The following APC variants were observed in gnomAD, a reference collection of about 807,000 sequenced individuals.
APC encodes adenomatous polyposis coli protein.
A neutral mutation model predicts 247.0 loss-of-function variants in APC; 72 were observed. The ratio of observed to expected loss-of-function variants is 0.29; its 90% CI spans 0.24 to 0.35. The LOEUF (loss-of-function observed/expected upper bound fraction) is 0.35. Among genes scored for constraint, APC ranks in the 10% least tolerant of loss-of-function variants. The probability of loss-of-function intolerance (pLI) is 1.00; values close to 1 mark genes in which losing one functional copy is unlikely to be tolerated. For missense variants in APC, 3,400 were observed against 3,360.7 expected, an observed-to-expected ratio of 1.01 and a Z score of -0.29; for synonymous variants, 1,254 against 1,162.5, an observed-to-expected ratio of 1.08 and a Z score of -1.60.
intron 2 of APC, among the ~76,000 whole-genome samples, chr5:112,764,398 A>G (rs1280848362): frequency 6.6e-6 from 1 of 152,220 alleles, no homozygotes; most frequent in East Asian, 1.9e-4. Flanking sequence ...TGAAAGAGAT[A>G]GCTGTAAGAG....
At chr5:112,723,667 A>G (rs956014802) in intron 1 of APC, among the ~76,000 whole-genome samples, 2 of 152,202 alleles carry the variant, frequency 1.3e-5, no homozygotes, top group Admixed American at 1.3e-4. Context: ...AGCCCTGCCC[A>G]CAAAAAACCA....
In APC at chr5:112,839,617, T is replaced by A. The variant is rs886493252; in HGVS notation, c.4023T>A (p.Ser1341Arg). Residue 1341 changes from serine (S) to arginine (R), a missense_variant, in exon 16 of 16, where the codon AGT becomes AGA. This residue lies in a region of APC where 715 missense variants were observed against 656.6 expected (regional missense o/e 1.09). Transcript: ENST00000257430. The surrounding 1 kb of genome is among the most constrained non-coding windows in gnomAD (Gnocchi z 5.0). ...RTKSSRLQGS[S>R]LSSESARHKA... is the part of the protein sequence containing the mutation. Reference sequence around the variant, plus strand: ...AATCCAGCAGACTGCAGGGTTCTAGTTTATCTTCAGAATCAGCCAGGCACA... The same window carrying A: ...AATCCAGCAGACTGCAGGGTTCTAGATTATCTTCAGAATCAGCCAGGCACA... 5.0e-6 allele frequency: 8 copies of A among 1,613,994 alleles called. No individual in the cohort carries two copies. Among genetic ancestry groups the A allele is most frequent in the Admixed American group, 1.7e-5 (1 of 60,000 alleles).
At chr5:112,712,032 C>G (rs1450548202) in intron 1 of APC, among the ~76,000 whole-genome samples, 1 of 152,206 alleles carries the variant, frequency 6.6e-6, no homozygotes, top group Non-Finnish European at 1.5e-5. Context: ...GCTGCCAAAC[C>G]TGTAACAATA....
Position 112,842,224 on chromosome 5 carries a change from A to C in APC, c.6630A>C (p.Ser2210=), listed in dbSNP as rs746725965. ...AAGTTCGATCTAATTCAGAAATTTCAGGCCAAATGAAACAGCCCCTTCAAG... is the reference window on the plus strand; with the variant it reads ...AAGTTCGATCTAATTCAGAAATTTCCGGCCAAATGAAACAGCCCCTTCAAG... The part of the protein sequence containing the change: ...TGKVRSNSEI[S]GQMKQPLQAN... Residue 2210 remains serine (S), a synonymous_variant, in exon 16 of 16, where the codon TCA becomes TCC. Transcript: ENST00000257430. The C allele has an allele frequency of 6.2e-7, 1 of 1,613,872 alleles. No individual in the cohort carries two copies. The highest frequency in any genetic ancestry group is 1.1e-5 in the South Asian group (1 of 91,066).
rs35540155 is a variant in APC at position 112,842,233 on chromosome 5, G to A, written c.6639G>A (p.Met2213Ile). 43 of 1,613,838 alleles carry A rather than the reference G, an allele frequency of 2.7e-5. No individual in the cohort carries two copies. The Middle Eastern group carries it at 2.1e-3, about 80-fold the overall frequency. The change falls in exon 16 of 16, where the codon ATG becomes ATA. Residue 2213 changes from methionine (M) to isoleucine (I), a missense_variant. Transcript: ENST00000257430. ...VRSNSEISGQMKQPLQANMPS... is the reference protein window; with the variant it reads ...VRSNSEISGQIKQPLQANMPS... The stretch of plus-strand genomic sequence containing the variant: ...CTAATTCAGAAATTTCAGGCCAAAT[G>A]AAACAGCCCCTTCAAGCAAACATGC...
Position 112,729,129 on chromosome 5 carries a change from G to C in APC, c.165+21247G>C, listed in dbSNP as rs464338. 0.99 allele frequency among the ~76,000 whole-genome samples: 150,257 copies of C among 152,336 alleles called. 74,138 individuals are homozygous for C. Among genetic ancestry groups the C allele is most frequent in the Middle Eastern group, 1 (294 of 294 alleles). ...TTAGTCCTCTTCTAGATTATAAATTGTCTTACTCATTATTGTATCATCTAC... is the reference window on the plus strand; with the variant it reads ...TTAGTCCTCTTCTAGATTATAAATTCTCTTACTCATTATTGTATCATCTAC... On this transcript the variant is annotated intron_variant, in intron 1 of 13. Transcript: ENST00000507379.
At chr5:112,751,983 A>AT (rs1484898944) in intron 1 of APC, among the ~76,000 whole-genome samples, 1 of 151,906 alleles carries the variant, frequency 6.6e-6, no homozygotes, top group Non-Finnish European at 1.5e-5. Context: ...TGAACATATG[A>AT]TTTTTTCCCA....
rs864622288 is a variant in APC, at chr5:112,754,926, A to G, written c.36A>G (p.Gln12=). 24 of 1,613,734 alleles carry G rather than the reference A, an allele frequency of 1.5e-5. No individual in the cohort carries two copies. The highest frequency in any genetic ancestry group is 1.9e-5 in the Non-Finnish European group (22 of 1,179,802). Residue 12 remains glutamine (Q), a synonymous_variant, in exon 2 of 16, where the codon CAA becomes CAG. Transcript: ENST00000257430. ...CTTCATATGATCAGTTGTTAAAGCAAGTTGAGGCACTGAAGATGGAGAACT... is the reference window on the plus strand; with the variant it reads ...CTTCATATGATCAGTTGTTAAAGCAGGTTGAGGCACTGAAGATGGAGAACT... The part of the protein sequence containing the change: ...AAASYDQLLK[Q]VEALKMENSN...
In APC at chr5:112,722,434, G is replaced by T. The variant is rs145987239; in HGVS notation, c.165+14552G>T. ...CAGACACCTGTGACCAAAGACGTGG[G>T]GCTTTTTCCCCACACACCAATAGTG... On this transcript the variant is annotated intron_variant, in intron 1 of 13. Coordinates refer to the APC transcript ENST00000507379. Among the ~76,000 whole-genome samples, 1,202 of 152,180 alleles carry T rather than the reference G, an allele frequency of 7.9e-3. 5 individuals are homozygous for T. The highest frequency in any genetic ancestry group is 0.014 in the Middle Eastern group (4 of 294).
chr5:112,818,982 C>T lies in APC; in HGVS notation c.950C>T (p.Ser317Leu), dbSNP rs2149778856. Residue 317 changes from serine to leucine, a missense_variant, in exon 10 of 16, where the codon TCA (serine) becomes TTA (leucine). Transcript: ENST00000257430. ...HLGTKVEMVY[S>L]LLSMLGTHDK... Reference sequence around the variant, plus strand: ...GGCCCACAGGTGGAAATGGTGTATTCATTGTTGTCAATGCTTGGTACTCAT... The same window carrying T: ...GGCCCACAGGTGGAAATGGTGTATTTATTGTTGTCAATGCTTGGTACTCAT... 1 of 1,613,848 alleles carries T rather than the reference C, an allele frequency of 6.2e-7. No homozygotes were observed. Among genetic ancestry groups the T allele is most frequent in the Non-Finnish European group, 8.5e-7 (1 of 1,179,928 alleles).
chr5:112,818,814 G>T, intron 9 of APC, 152 bp from the exon 10 acceptor site: 2 of 843,394 alleles, frequency 2.4e-6, no homozygotes, highest in Admixed American at 2.5e-5. Context: ...CTTCATCCTG[G>T]AAAGGTTTTC....
At chr5:112,737,219 CTT>C (rs1214884368), upstream of APC, among the ~76,000 whole-genome samples, 1 of 152,154 alleles carries the variant, frequency 6.6e-6, no homozygotes, top group Non-Finnish European at 1.5e-5. Flanking sequence ...CTATTCTGTA[CTT>C]CTGTTCCCGT....
rs200104370 is a variant in APC at position 112,834,489 on chromosome 5, CCCGTCAG to C, written c.1744-459_1744-453del. ...TGAACTCCTGACCTCAGATGATCCA[CCCGTCAG>C]CCTCCCAAAGTGCTGGGATTACAGG... On this transcript the variant is annotated intron_variant, in intron 14 of 15. Transcript: ENST00000257430. Among the ~76,000 whole-genome samples the C allele has an allele frequency of 8.1e-3, 1,234 of 152,114 alleles. 16 individuals carry two copies. The highest frequency in any genetic ancestry group is 0.028 in the African/African-American group (1,175 of 41,498).
intron 2 of APC, among the ~76,000 whole-genome samples, chr5:112,763,390 A>G (rs1367523207): frequency 1.3e-5 from 2 of 151,594 alleles, no homozygotes; most frequent in African/African-American, 2.4e-5. Context: ...ATTTATTGTC[A>G]TCTTACGTCA....
intron 11 of APC, among the ~76,000 whole-genome samples, chr5:112,826,586 TA>T (rs554969279): frequency 1.6e-3 from 133 of 82,978 alleles, no homozygotes; most frequent in South Asian, 0.011. Context: ...TCATTTTTTG[TA>T]AAAAAAAAAA....
intron 1 of APC, among the ~76,000 whole-genome samples, chr5:112,747,801 G>A (rs1041217437): frequency 6.6e-5 from 10 of 152,144 alleles, no homozygotes; most frequent in African/African-American, 2.4e-4. Context: ...TTTCCAACAT[G>A]GCAGGTTGGA....
chr5:112,778,105 C>A, intron 5 of APC: 2 of 207,534 alleles, frequency 9.6e-6, no homozygotes, highest in South Asian at 9.3e-5. Flanking sequence ...ATCACAGATT[C>A]TTCCGGCTCT....
At chr5:112,823,864 C>T (rs1020168872) in intron 11 of APC, among the ~76,000 whole-genome samples, 26 of 152,044 alleles carry the variant, frequency 1.7e-4, no homozygotes, top group African/African-American at 5.8e-4. Context: ...GATTTTCTGG[C>T]ACTGTAGCAA....
chr5:112,747,253 C>G (rs963744393), intron 1 of APC, among the ~76,000 whole-genome samples: 1 of 151,970 alleles, frequency 6.6e-6, no homozygotes, highest in Admixed American at 6.6e-5. Context: ...GGGGGAAAAC[C>G]CTGGAAAATT....
Sources: allele counts gnomAD v4.1 joint callset (sites outside exome capture counted in the v4.1 genomes callset), GRCh38; gene constraint gnomAD v4.1.1; regional missense constraint gnomAD v4.1.1; non-coding constraint Gnocchi (gnomAD v3.1); transcripts MANE v1.5; gene names NCBI Gene and HGNC (gene_info 2026-07-23, HGNC 2026-07-21).